ABCC1: variants seen among roughly 807,000 people sequenced by gnomAD.
The protein encoded by ABCC1 is multidrug resistance-associated protein 1.
Under a neutral mutation model 172.9 loss-of-function variants are expected in ABCC1, and 83 were observed. The observed-to-expected ratio is 0.48, with a 90% CI of 0.40 to 0.58. The LOEUF (loss-of-function observed/expected upper bound fraction) is 0.58, where lower values mean the gene tolerates loss of function less well. ABCC1 is among the 20% of genes least tolerant of loss of function. The pLI is 0.00. For synonymous variants in ABCC1, 937 were observed against 825.2 expected (o/e 1.14, Z -2.32); for missense variants, 1,817 against 2,002.7 (o/e 0.91, Z 1.77).
At chr16:16,079,675 G>A (rs2050730184) in intron 16 of ABCC1, among the ~76,000 whole-genome samples, 197 bp downstream of exon 16, 1 of 152,100 alleles carries the variant, frequency 6.6e-6, no homozygotes, top group African/African-American at 2.4e-5. Flanking sequence ...GTCCTAGAAG[G>A]CAGGATTTTG....
chr16:16,068,892 C>T (rs1567368506), intron 13 of ABCC1, among the ~76,000 whole-genome samples: 1 of 151,354 alleles, frequency 6.6e-6, no homozygotes, highest in Non-Finnish European at 1.5e-5. Flanking sequence ...AAGGCTGAGG[C>T]AGGAGAATTG....
intron 14 of ABCC1, among the ~76,000 whole-genome samples, chr16:16,075,413 C>T (rs2050518100): frequency 6.6e-6 from 1 of 151,528 alleles, no homozygotes; most frequent in African/African-American, 2.4e-5. Context: ...TCACTTGAGG[C>T]CAAGAGTTCG....
At chr16:16,057,621 C>T (rs959898286) in intron 12 of ABCC1, among the ~76,000 whole-genome samples, 2 of 151,770 alleles carry the variant, frequency 1.3e-5, no homozygotes, top group Non-Finnish European at 2.9e-5. Context: ...GTGACAGTTT[C>T]GTGTACGCTT....
chr16:15,997,894 A>T (rs1440758328), intron 1 of ABCC1, among the ~76,000 whole-genome samples: 1 of 141,324 alleles, frequency 7.1e-6, no homozygotes, highest in Non-Finnish European at 1.5e-5. Flanking sequence ...GCTCACTGCA[A>T]CCTCCACCTC....
chr16:16,125,052 T>A, intron 25 of ABCC1, 137 bp downstream of exon 25: 1 of 1,250,704 alleles, frequency 8.0e-7, no homozygotes, highest in Non-Finnish European at 1.1e-6. Context: ...GCAGGTACAG[T>A]GCCACAGTGC....
At chr16:16,115,807 C>T (rs1349276904) in intron 23 of ABCC1, among the ~76,000 whole-genome samples, 1 of 152,036 alleles carries the variant, frequency 6.6e-6, no homozygotes, top group Non-Finnish European at 1.5e-5. Flanking sequence ...GCTGGTATGG[C>T]AGCTTCATGA....
At chr16:16,075,709 C>CTTCCTGTTCCCTCGTACCAT (rs2050532380) in intron 14 of ABCC1, among the ~76,000 whole-genome samples, 1 of 152,048 alleles carries the variant, frequency 6.6e-6, no homozygotes, top group Non-Finnish European at 1.5e-5. Flanking sequence ...CCTCGTACCA[C>CTTCCTGTTCCCTCGTACCAT]ACTTCCTGTT....
intron 11 of ABCC1, among the ~76,000 whole-genome samples, chr16:16,054,532 T>C (rs1036365531): frequency 6.6e-6 from 1 of 151,822 alleles, no homozygotes; most frequent in African/African-American, 2.4e-5. Context: ...TAGGCTGCAC[T>C]GACGATACCA....
intron 21 of ABCC1, among the ~76,000 whole-genome samples, chr16:16,107,919 G>A (rs928184590): frequency 6.6e-5 from 10 of 151,566 alleles, no homozygotes; most frequent in African/African-American, 2.2e-4. Context: ...GGTGGTAGCC[G>A]GGGAGTGGGG....
At chr16:16,123,468 A>T (rs1462123871) in intron 24 of ABCC1, among the ~76,000 whole-genome samples, 1 of 151,692 alleles carries the variant, frequency 6.6e-6, no homozygotes, top group African/African-American at 2.4e-5. Context: ...AATCCCATCT[A>T]TATTAAAAAT....
Position 16,015,988 on chromosome 16 carries a change from C to G in ABCC1, c.490-508C>G, listed in dbSNP as rs529222211. Among the ~76,000 whole-genome samples the G allele has an allele frequency of 1.6e-4, 24 of 152,102 alleles. 1 individual carries two copies. The South Asian group carries it at 5.0e-3, about 32-fold the overall frequency. ...ATACAGCTCTGTTTCACTCCCAAGCCCTGTCTTCCTCCCATCAGGCAGCGG... is the reference window on the plus strand; with the variant it reads ...ATACAGCTCTGTTTCACTCCCAAGCGCTGTCTTCCTCCCATCAGGCAGCGG... On this transcript the variant is annotated intron_variant, in intron 4 of 30. Transcript: ENST00000399410.
chr16:16,024,952 G>T (rs1472466543), intron 5 of ABCC1, among the ~76,000 whole-genome samples: 1 of 152,102 alleles, frequency 6.6e-6, no homozygotes, highest in Non-Finnish European at 1.5e-5. Context: ...GCTTAGGGGG[G>T]AAGATTTCTT....
intron 12 of ABCC1, chr16:16,056,525 C>T (rs541609783): frequency 4.1e-5 from 23 of 558,622 alleles, no homozygotes; most frequent in East Asian, 1.3e-4. Flanking sequence ...AAAAATAAGC[C>T]GGGTGTGGTG....
intron 20 of ABCC1, 88 bp downstream of exon 20, chr16:16,102,805 C>T (rs1000386397): frequency 7.7e-6 from 10 of 1,304,052 alleles, no homozygotes; most frequent in Non-Finnish European, 1.1e-5. Flanking sequence ...CCTCAGCCCC[C>T]TGAGGTCCTG....
At chr16:15,990,986 T>C (rs1318367209) in intron 1 of ABCC1, among the ~76,000 whole-genome samples, 1 of 152,066 alleles carries the variant, frequency 6.6e-6, no homozygotes, top group Non-Finnish European at 1.5e-5. Context: ...TTTTTAAGGC[T>C]GAGCGATAGT....
chr16:15,958,764 C>G (rs568742293), intron 1 of ABCC1, among the ~76,000 whole-genome samples: 2 of 152,284 alleles, frequency 1.3e-5, no homozygotes, highest in East Asian at 3.9e-4. Context: ...CTGCACTTAC[C>G]TCTTAGAGGC....
intron 19 of ABCC1, among the ~76,000 whole-genome samples, chr16:16,096,134 C>T (rs546420841): frequency 1.3e-5 from 2 of 151,682 alleles, no homozygotes; most frequent in Non-Finnish European, 2.9e-5. Flanking sequence ...GAGGCTGAGG[C>T]AGGAGAATAG....
At chr16:16,024,209 ACT>A (rs1183466714) in intron 5 of ABCC1, among the ~76,000 whole-genome samples, 7 of 151,952 alleles carry the variant, frequency 4.6e-5, no homozygotes, top group African/African-American at 9.7e-5. Flanking sequence ...ACAGAGCAAG[ACT>A]CTGTCTCAAA....
rs753325781 is a variant in ABCC1 at position 16,134,433 on chromosome 16, G to C, written c.4050G>C (p.Glu1350Asp). 1 of 1,614,134 alleles carries C rather than the reference G, an allele frequency of 6.2e-7. No homozygotes were observed. Among genetic ancestry groups the C allele is most frequent in the Non-Finnish European group, 8.5e-7 (1 of 1,180,026 alleles). ...LFRINESAEG[E>D]IIIDGINIAK... ...GGATCAACGAGTCTGCCGAAGGAGA[G>C]ATCATCATCGATGGCATCAACATCG... Residue 1350 changes from glutamate (E) to aspartate (D), a missense_variant, in exon 28 of 31, where the codon GAG (glutamate) becomes GAC (aspartate). Physicochemically the swap from Glu to Asp is conservative, Grantham distance 45. Coordinates refer to ENST00000399410, the MANE Select transcript of ABCC1 (RefSeq NM_004996.4).
Sources: gnomAD v4.1 joint callset for allele counts (sites outside exome capture counted in the v4.1 genomes callset) on GRCh38, gnomAD v4.1.1 for gene constraint, MANE v1.5 for transcripts, NCBI Gene and HGNC (gene_info 2026-07-23, HGNC 2026-07-21) for gene names.